The following FOXP2 variants were observed in gnomAD, a reference collection of about 807,000 sequenced individuals.
FOXP2 encodes the protein forkhead box protein P2.
Under a neutral mutation model 115.8 loss-of-function variants are expected in FOXP2, and 12 were observed. That is an observed-to-expected ratio of 0.10 (90% CI 0.07 to 0.17). The LOEUF (loss-of-function observed/expected upper bound fraction) is 0.17, where lower values mean the gene tolerates loss of function less well. FOXP2 is among the 10% of genes least tolerant of loss of function. The pLI, the probability that FOXP2 is intolerant of heterozygous loss-of-function variation, is 1.00. For synonymous variants in FOXP2, 328 were observed against 297.7 expected (o/e 1.10, Z -1.05); for missense variants, 629 against 843.5 (o/e 0.75, Z 3.15).
chr7:114,512,320 C>A (rs1367542100), intron 2 of FOXP2, among the ~76,000 whole-genome samples: 1 of 152,072 alleles, frequency 6.6e-6, no homozygotes, highest in East Asian at 1.9e-4. Flanking sequence ...ATTTCTATGC[C>A]CATTGATAAG....
chr7:114,509,811 C>A (rs1368424170), intron 2 of FOXP2, among the ~76,000 whole-genome samples: 1 of 151,474 alleles, frequency 6.6e-6, no homozygotes, highest in African/African-American at 2.4e-5. Flanking sequence ...AGATAAAAAT[C>A]TATGAGTTGT....
intron 2 of FOXP2, among the ~76,000 whole-genome samples, chr7:114,529,113 A>G (rs1799016059): frequency 2.0e-5 from 3 of 151,918 alleles, no homozygotes; most frequent in Admixed American, 1.3e-4. Context: ...AGAGCTAGGA[A>G]TATCAGGCTA....
At chr7:114,613,863 G>A (rs1803775017) in intron 3 of FOXP2, 1 of 151,836 alleles carries the variant, frequency 6.6e-6, no homozygotes, top group African/African-American at 2.4e-5. Context: ...TAGCTTCCGA[G>A]ATCAGATAAG....
intron 1 of FOXP2, among the ~76,000 whole-genome samples, chr7:114,106,335 T>C (rs1223169360): frequency 6.6e-5 from 10 of 151,796 alleles, no homozygotes; most frequent in Non-Finnish European, 2.9e-5. Flanking sequence ...TTGATTCTCG[T>C]TTTTCCTAGC....
chr7:114,146,631 A>G (rs534915707), intron 1 of FOXP2, among the ~76,000 whole-genome samples: 65 of 152,356 alleles, frequency 4.3e-4, no homozygotes, highest in Admixed American at 4.6e-4. Context: ...CAGCATCTTT[A>G]GAATGTATTT....
At chr7:114,642,810 A>ATTTTTTT (rs1277733394) in intron 7 of FOXP2, among the ~76,000 whole-genome samples, 187 bp downstream of exon 7, 6 of 75,756 alleles carry the variant, frequency 7.9e-5, no homozygotes, top group African/African-American at 2.4e-4. Context: ...ATATATATAT[A>ATTTTTTT]TATTTTTTTT....
chr7:114,365,201 T>G (rs774644495), intron 2 of FOXP2, among the ~76,000 whole-genome samples: 8 of 152,130 alleles, frequency 5.3e-5, no homozygotes, highest in Non-Finnish European at 1.2e-4. Flanking sequence ...AGTATATATT[T>G]CAGTTTGTCA....
chr7:114,219,728 G>A (rs187369436), intron 1 of FOXP2, among the ~76,000 whole-genome samples: 118 of 152,020 alleles, frequency 7.8e-4, no homozygotes, highest in African/African-American at 2.5e-3. Context: ...ATTGTTATTT[G>A]ATGAATAATT....
At chr7:114,652,420 A>G (rs1469967213) in intron 9 of FOXP2, 130 bp downstream of exon 9, 1 of 779,080 alleles carries the variant, frequency 1.3e-6, no homozygotes, top group East Asian at 2.7e-5. Context: ...GAGATACATG[A>G]TATTTTAGAT....
intron 2 of FOXP2, among the ~76,000 whole-genome samples, chr7:114,313,223 G>C (rs1179424506): frequency 6.6e-6 from 1 of 152,180 alleles, no homozygotes; most frequent in African/African-American, 2.4e-5. Flanking sequence ...ATGAACATAA[G>C]TTTATAGAAT....
At chr7:114,604,147 T>C (rs1000287300) in intron 3 of FOXP2, among the ~76,000 whole-genome samples, 1 of 152,104 alleles carries the variant, frequency 6.6e-6, no homozygotes, top group Non-Finnish European at 1.5e-5. Context: ...TGCTGGCAGA[T>C]CCAGTGGCTG....
chr7:114,363,370 A>G (rs182482025), intron 2 of FOXP2, among the ~76,000 whole-genome samples: 92 of 152,286 alleles, frequency 6.0e-4, no homozygotes, highest in African/African-American at 2.2e-3. Context: ...TATCTGACAT[A>G]GGATTTTGGA....
chr7:114,273,574 A>G (rs557359123), intron 1 of FOXP2, among the ~76,000 whole-genome samples: 1 of 152,134 alleles, frequency 6.6e-6, no homozygotes, highest in South Asian at 2.1e-4. Flanking sequence ...TAGTAGATTC[A>G]TCAGTTTTTT....
At chr7:114,323,039 A>T (rs1316866126) in intron 2 of FOXP2, among the ~76,000 whole-genome samples, 1 of 152,182 alleles carries the variant, frequency 6.6e-6, no homozygotes, top group Non-Finnish European at 1.5e-5. Flanking sequence ...CATATTTTAT[A>T]TTCAAATTTA....
upstream of FOXP2, among the ~76,000 whole-genome samples, chr7:114,410,398 G>A (rs1793135082): frequency 6.6e-6 from 1 of 152,010 alleles, no homozygotes; most frequent in African/African-American, 2.4e-5. Flanking sequence ...AGGCATTTGA[G>A]TCAAAAAAGA....
At position 114,290,507 on chromosome 7, in the gene FOXP2, A is replaced by T. The variant is rs147551346; in HGVS notation, c.-11+2398A>T. ...TTTATAGAAAATTGCTATAAATTTC[A>T]TAAATACTTATTAAAGATTAGGTAT... On this transcript the variant is annotated intron_variant, in intron 2 of 17. Coordinates refer to the FOXP2 transcript ENST00000634411. Among the ~76,000 whole-genome samples the T allele has an allele frequency of 5.3e-5, 8 of 152,250 alleles. No individual in the cohort carries two copies. In the East Asian group the frequency reaches 1.5e-3, roughly 29 times the overall value.
chr7:114,669,212 A>G (rs1340442448), intron 16 of FOXP2: 2 of 152,070 alleles, frequency 1.3e-5, no homozygotes, highest in Non-Finnish European at 2.9e-5. Context: ...AAGATTGAAA[A>G]CAATTATCAA....
rs994535466 is a variant in FOXP2, at chr7:114,206,559, C to T, written c.-102+43471C>T. Reference sequence around the variant, plus strand: ...TTTTATGCAGACCTCCAGTAGTCTTCATCTGTCATGTCACTGTATTTTCCT... The same window carrying T: ...TTTTATGCAGACCTCCAGTAGTCTTTATCTGTCATGTCACTGTATTTTCCT... On this transcript the variant is annotated intron_variant, in intron 1 of 17. Transcript: ENST00000634411. 5.9e-5 allele frequency among the ~76,000 whole-genome samples: 9 copies of T among 152,214 alleles called. No individual in the cohort carries two copies. In the South Asian group the frequency reaches 8.3e-4, roughly 14 times the overall value.
chr7:114,586,639 C>T (rs1233943316), intron 3 of FOXP2, among the ~76,000 whole-genome samples: 1 of 151,758 alleles, frequency 6.6e-6, no homozygotes, highest in Non-Finnish European at 1.5e-5. Context: ...AAATAAGGTG[C>T]TTTCAGATAT....
Sources: gnomAD v4.1 joint callset for allele counts (sites outside exome capture counted in the v4.1 genomes callset) on GRCh38, gnomAD v4.1.1 for gene constraint, MANE v1.5 for transcripts, NCBI Gene and HGNC (gene_info 2026-07-23, HGNC 2026-07-21) for gene names.